The following NDUFB5 variants were observed in gnomAD, a reference collection of about 807,000 sequenced individuals.
NDUFB5 encodes the protein NADH dehydrogenase [ubiquinone] 1 beta subcomplex subunit 5, mitochondrial.
In NDUFB5, 19 loss-of-function variants were observed where a neutral mutation model predicts 19.4. The ratio of observed to expected loss-of-function variants is 0.98; its 90% CI spans 0.68 to 1.43. NDUFB5 has a LOEUF of 1.43. Among genes scored for constraint, NDUFB5 ranks in the 40% most tolerant of loss-of-function variants. NDUFB5 has a pLI of 0.00. For missense variants in NDUFB5, 233 were observed against 236.5 expected, an observed-to-expected ratio of 0.99 and a Z score of 0.10; for synonymous variants, 80 against 82.6, an observed-to-expected ratio of 0.97 and a Z score of 0.17.
chr3:179,609,017 C>A (rs1344692570), intron 1 of NDUFB5, among the ~76,000 whole-genome samples: 1 of 152,204 alleles, frequency 6.6e-6, no homozygotes, highest in Non-Finnish European at 1.5e-5. Context: ...ACATCATTGG[C>A]TCTTGAAACT....
intron 1 of NDUFB5, among the ~76,000 whole-genome samples, chr3:179,605,715 A>C (rs964995018): frequency 9.2e-5 from 14 of 152,156 alleles, no homozygotes; most frequent in Non-Finnish European, 1.8e-4. Context: ...GCAGTCATAA[A>C]ATATTATTTT....
intron 5 of NDUFB5, among the ~76,000 whole-genome samples, chr3:179,621,390 T>C (rs953748356): frequency 1.6e-4 from 24 of 152,214 alleles, no homozygotes; most frequent in African/African-American, 5.8e-4. Context: ...TGTATTTCTT[T>C]CTCTATATAT....
chr3:179,614,894 TA>T, intron 1 of NDUFB5, 76 bp from the exon 2 acceptor site: 1 of 1,037,004 alleles, frequency 9.6e-7, no homozygotes, highest in South Asian at 1.7e-5. Context: ...TATTTTTTTA[TA>T]ATCTGATTTT....
intron 1 of NDUFB5, chr3:179,607,671 A>G (rs190108094): frequency 1.8e-5 from 12 of 684,446 alleles, no homozygotes; most frequent in Non-Finnish European, 2.6e-5. Flanking sequence ...AACCATCACC[A>G]TCATCCAACT....
rs993290237 is a variant in NDUFB5, at chr3:179,624,769, T to C, written c.*729T>C. 4.6e-5 allele frequency: 7 copies of C among 151,394 alleles called. No homozygotes were observed. The highest frequency in any genetic ancestry group is 2.1e-4 in the South Asian group (1 of 4,802). 9.4% of individuals were successfully genotyped at this position (151,394 alleles called of 1,614,324 possible). Reference sequence around the variant, plus strand: ...TCTGCTAGACACTATATTAAATAACTGCATTTTTTAACATTATTTTCTTTT... The same window carrying C: ...TCTGCTAGACACTATATTAAATAACCGCATTTTTTAACATTATTTTCTTTT... On this transcript the variant is annotated 3_prime_UTR_variant, in exon 6 of 6. Coordinates refer to ENST00000259037, the MANE Select transcript of NDUFB5 (RefSeq NM_002492.4).
intron 5 of NDUFB5, 34 bp from the exon 6 acceptor site, chr3:179,623,886 T>C: frequency 1.2e-6 from 2 of 1,611,888 alleles, no homozygotes; most frequent in South Asian, 1.1e-5. Flanking sequence ...TTGGAAGTGC[T>C]GGAATCTCAA....
chr3:179,623,056 A>G (rs1719578826), intron 5 of NDUFB5, among the ~76,000 whole-genome samples: 1 of 152,240 alleles, frequency 6.6e-6, no homozygotes, highest in African/African-American at 2.4e-5. Context: ...GTTTGTATAA[A>G]TATTGACTGA....
At position 179,625,877 on chromosome 3, in the gene NDUFB5, C is replaced by T. The variant is rs1719657699; in HGVS notation, c.*1837C>T. ...CCATGTTGCTACAAATGACAGAATC[C>T]CATTCTTTTTCATAATATTGTCCAT... On this transcript the variant is annotated 3_prime_UTR_variant, in exon 6 of 6. Transcript: ENST00000259037. 6.6e-6 allele frequency: 1 copy of T among 152,112 alleles called. No individual in the cohort carries two copies. The highest frequency in any genetic ancestry group is 1.9e-4 in the East Asian group (1 of 5,192). The allele number at this position is 152,112 out of a possible 1,614,324, so 9.4% of individuals were successfully genotyped here. A position where few individuals can be genotyped will look rare whatever the true frequency, so the allele number is the denominator to read the frequency against.
In NDUFB5 at chr3:179,627,625, A is replaced by G. The variant is rs1022558364; in HGVS notation, c.*3585A>G. The G allele has an allele frequency of 6.6e-6, 1 of 152,154 alleles. No individual in the cohort carries two copies. Among genetic ancestry groups the G allele is most frequent in the Non-Finnish European group, 1.5e-5 (1 of 68,046 alleles). The allele number at this position is 152,154 out of a possible 1,614,324, so 9.4% of individuals were successfully genotyped here. A position where few individuals can be genotyped will look rare whatever the true frequency, so the allele number is the denominator to read the frequency against. ...TCTGACTGGGCCGGAGCACCTAAAT[A>G]ATAAATATTCTCCTGAACCCCATCG... On this transcript the variant is annotated 3_prime_UTR_variant, in exon 6 of 6. Transcript: ENST00000259037.
intron 5 of NDUFB5, among the ~76,000 whole-genome samples, chr3:179,619,679 A>G (rs1384767293): frequency 6.6e-6 from 1 of 152,200 alleles, no homozygotes; most frequent in African/African-American, 2.4e-5. Context: ...GTGTCTTTAT[A>G]GCAGCATGAT....
intron 1 of NDUFB5, among the ~76,000 whole-genome samples, chr3:179,614,297 A>T (rs1243285954): frequency 6.6e-6 from 1 of 152,228 alleles, no homozygotes; most frequent in Non-Finnish European, 1.5e-5. Flanking sequence ...TGAAGAGGAT[A>T]TTCTTAATCA....
rs771190682 is a variant in NDUFB5 at position 179,604,854 on chromosome 3, T to G, written c.39T>G (p.Thr13=). 44 of 1,604,278 alleles carry G rather than the reference T, an allele frequency of 2.7e-5. No individual in the cohort carries two copies. The highest frequency in any genetic ancestry group is 3.7e-5 in the Non-Finnish European group (43 of 1,177,586). The change falls in exon 1 of 6, where the codon ACT becomes ACG. Residue 13 remains threonine, a synonymous_variant. Transcript: ENST00000259037. ...AMSLLRRVSV[T]AVAALSGRPL... is the part of the protein sequence containing the mutation. ...GTTTGTTGCGGCGGGTTTCGGTTAC[T>G]GCGGTGGCAGCTCTGTCTGGCCGGC...
intron 1 of NDUFB5, among the ~76,000 whole-genome samples, chr3:179,610,072 C>G (rs980040276): frequency 7.2e-5 from 11 of 152,102 alleles, no homozygotes; most frequent in African/African-American, 2.7e-4. Flanking sequence ...GCCACTCTGC[C>G]AGGCTATTTG....
intron 5 of NDUFB5, among the ~76,000 whole-genome samples, chr3:179,623,717 A>G (rs1367287697): frequency 6.6e-6 from 1 of 152,172 alleles, no homozygotes; most frequent in Non-Finnish European, 1.5e-5. Flanking sequence ...AGCTATCTAT[A>G]TAAGCAACAT....
intron 5 of NDUFB5, 33 bp from the exon 6 acceptor site, chr3:179,623,887 G>A (rs1418643584): frequency 6.2e-7 from 1 of 1,611,672 alleles, no homozygotes; most frequent in South Asian, 1.1e-5. Flanking sequence ...TGGAAGTGCT[G>A]GAATCTCAAT....
intron 5 of NDUFB5, among the ~76,000 whole-genome samples, chr3:179,621,672 T>C (rs1719541985): frequency 6.6e-6 from 1 of 151,738 alleles, no homozygotes; most frequent in South Asian, 2.1e-4. Context: ...GTATTTTTAG[T>C]AGAGACCGGG....
intron 1 of NDUFB5, among the ~76,000 whole-genome samples, chr3:179,611,858 ATACTT>A (rs1380152960): frequency 6.6e-6 from 1 of 151,924 alleles, no homozygotes; most frequent in Non-Finnish European, 1.5e-5. Context: ...AAATTAATAA[ATACTT>A]AATGGAGAAA....
intron 1 of NDUFB5, among the ~76,000 whole-genome samples, chr3:179,613,658 TA>T (rs1354760293): frequency 3.9e-5 from 6 of 152,232 alleles, no homozygotes; most frequent in Non-Finnish European, 2.9e-5. Flanking sequence ...TCTTGTTATT[TA>T]AAAAGCCTTA....
intron 1 of NDUFB5, 141 bp downstream of exon 1, chr3:179,605,080 C>T (rs931368017): frequency 4.8e-6 from 6 of 1,247,740 alleles, no homozygotes; most frequent in African/African-American, 3.1e-5. Flanking sequence ...AGACGGAGCA[C>T]GAGCTATATG....
Sources: gnomAD v4.1 joint callset for allele counts (sites outside exome capture counted in the v4.1 genomes callset) on GRCh38, gnomAD v4.1.1 for gene constraint, MANE v1.5 for transcripts, NCBI Gene and HGNC (gene_info 2026-07-23, HGNC 2026-07-21) for gene names.